The following SGCD variants were observed in gnomAD, a reference collection of about 807,000 sequenced individuals.
The protein encoded by SGCD is sarcoglycan delta.
A neutral mutation model predicts 36.6 loss-of-function variants in SGCD; 18 were observed. The ratio of observed to expected loss-of-function variants is 0.49; its 90% CI spans 0.34 to 0.73. The LOEUF (loss-of-function observed/expected upper bound fraction) is 0.73. Ranked by LOEUF, SGCD falls within the 30% of genes least tolerant of loss-of-function variation. The pLI is 0.01. For synonymous variants in SGCD, 133 were observed against 130.6 expected, an observed-to-expected ratio of 1.02 and a Z score of -0.12; for missense variants, 387 against 346.7, an observed-to-expected ratio of 1.12 and a Z score of -0.92.
chr5:155,893,396 TA>T (rs993867276), intron 1 of SGCD, among the ~76,000 whole-genome samples: 5 of 152,206 alleles, frequency 3.3e-5, no homozygotes, highest in Admixed American at 6.5e-5. Flanking sequence ...CACTAACATA[TA>T]GAATAGATTA....
chr5:156,612,594 T>TG (rs1761866625), intron 6 of SGCD, among the ~76,000 whole-genome samples: 1 of 152,206 alleles, frequency 6.6e-6, no homozygotes, highest in South Asian at 2.1e-4. Context: ...TCTGCCTGTA[T>TG]GGGGGTAAGG....
At chr5:156,130,628 G>T (rs1762299332) in intron 3 of SGCD, among the ~76,000 whole-genome samples, 1 of 152,116 alleles carries the variant, frequency 6.6e-6, no homozygotes, top group Admixed American at 6.6e-5. Flanking sequence ...GGCCAGTTGT[G>T]AGGAAATAGT....
chr5:156,737,595 A>T (rs1756440283), intron 7 of SGCD, among the ~76,000 whole-genome samples: 2 of 152,090 alleles, frequency 1.3e-5, no homozygotes. Context: ...ACAGAGAGGG[A>T]TTCCTGTACA....
chr5:156,117,739 A>G (rs1224454067), intron 1 of SGCD: 1 of 152,184 alleles, frequency 6.6e-6, no homozygotes, highest in Non-Finnish European at 1.5e-5. Context: ...TGAGCCAGGA[A>G]TCAAACCTAG....
intron 3 of SGCD, among the ~76,000 whole-genome samples, chr5:156,238,325 A>G (rs1172356230): frequency 1.3e-5 from 2 of 152,224 alleles, no homozygotes; most frequent in African/African-American, 2.4e-5. Context: ...TAGAACCTGC[A>G]GTCCTTTAGA....
At chr5:155,954,542 T>C (rs1757608622) in intron 1 of SGCD, among the ~76,000 whole-genome samples, 1 of 151,588 alleles carries the variant, frequency 6.6e-6, no homozygotes, top group Admixed American at 6.6e-5. Context: ...AAAACTATCA[T>C]TATGGGCAGC....
chr5:156,594,872 G>GTT, intron 5 of SGCD, 60 bp from the exon 6 acceptor site: 2 of 1,155,718 alleles, frequency 1.7e-6, no homozygotes, highest in Non-Finnish European at 2.5e-6. Flanking sequence ...GACTAATGGT[G>GTT]TTTTCTCTCT....
intron 3 of SGCD, among the ~76,000 whole-genome samples, chr5:156,144,494 G>A (rs1296829166): frequency 3.9e-5 from 6 of 152,106 alleles, no homozygotes; most frequent in South Asian, 2.1e-4. Flanking sequence ...GCCAGTGATG[G>A]TGAGCATTTT....
At chr5:156,571,368 A>G (rs1759717635) in intron 4 of SGCD, among the ~76,000 whole-genome samples, 1 of 151,668 alleles carries the variant, frequency 6.6e-6, no homozygotes, top group Non-Finnish European at 1.5e-5. Context: ...CTTTTTAAAC[A>G]TATTTTTTTT....
chr5:156,504,891 T>A (rs1756627584), intron 3 of SGCD, among the ~76,000 whole-genome samples: 3 of 152,220 alleles, frequency 2.0e-5, no homozygotes, highest in Admixed American at 2.0e-4. Flanking sequence ...TATTTAAGAA[T>A]GTTTAGGAGT....
At chr5:156,430,215 A>T (rs575964766) in intron 3 of SGCD, among the ~76,000 whole-genome samples, 2 of 151,698 alleles carry the variant, frequency 1.3e-5, no homozygotes, top group South Asian at 2.1e-4. Context: ...AGTTTTTAAA[A>T]CTCTTTTTTC....
intron 3 of SGCD, among the ~76,000 whole-genome samples, chr5:156,260,838 A>G (rs956922519): frequency 2.0e-5 from 3 of 152,136 alleles, no homozygotes; most frequent in East Asian, 1.9e-4. Flanking sequence ...TATTTTATCA[A>G]GAGGAAATTC....
At chr5:156,125,504 T>G (rs775801228) in intron 3 of SGCD, among the ~76,000 whole-genome samples, 3 of 152,160 alleles carry the variant, frequency 2.0e-5, no homozygotes, top group South Asian at 4.2e-4. Flanking sequence ...TCACATTGCT[T>G]GTAGAACCGC....
At chr5:156,145,459 C>G (rs1175635810) in intron 3 of SGCD, among the ~76,000 whole-genome samples, 1 of 152,064 alleles carries the variant, frequency 6.6e-6, no homozygotes, top group Non-Finnish European at 1.5e-5. Context: ...TAAGATAAAA[C>G]CAAACTCAAA....
the SGCD span, among the ~76,000 whole-genome samples, chr5:155,742,039 T>C: frequency 6.6e-6 from 1 of 152,242 alleles, no homozygotes; most frequent in African/African-American, 2.4e-5. Flanking sequence ...AGAAGAGGGC[T>C]CCATTCAGTT....
chr5:155,735,957 T>A, the SGCD span, among the ~76,000 whole-genome samples: 1 of 152,190 alleles, frequency 6.6e-6, no homozygotes, highest in Non-Finnish European at 1.5e-5. Flanking sequence ...ACAGGGTCAT[T>A]GGCAAAGTCA....
intron 4 of SGCD, among the ~76,000 whole-genome samples, chr5:156,544,581 T>C (rs1340196475): frequency 6.6e-6 from 1 of 151,440 alleles, no homozygotes; most frequent in Non-Finnish European, 1.5e-5. Flanking sequence ...GGCCAAGAAG[T>C]TTGAAGGAAG....
intron 4 of SGCD, among the ~76,000 whole-genome samples, chr5:156,562,068 G>A (rs1759286869): frequency 1.3e-5 from 2 of 152,210 alleles, no homozygotes; most frequent in South Asian, 2.1e-4. Context: ...CACTTATAAT[G>A]TACCAGGTAC....
At chr5:155,835,025 T>TTTTTTTTTTTTTTTTTTTTTTA in the SGCD span, among the ~76,000 whole-genome samples, 1 of 140,042 alleles carries the variant, frequency 7.1e-6, no homozygotes, top group African/African-American at 2.8e-5. Flanking sequence ...TTTTTTTTTT[T>TTTTTTTTTTTTTTTTTTTTTTA]GAGACAGAGT....
Sources: gnomAD v4.1 joint callset for allele counts (sites outside exome capture counted in the v4.1 genomes callset) on GRCh38, gnomAD v4.1.1 for gene constraint, MANE v1.5 for transcripts, NCBI Gene and HGNC (gene_info 2026-07-23, HGNC 2026-07-21) for gene names.